RAD51B: variants seen among roughly 807,000 people sequenced by gnomAD.
RAD51B encodes the protein DNA repair protein RAD51 homolog 2.
In RAD51B, 38 loss-of-function variants were observed where a neutral mutation model predicts 42.2. That is an observed-to-expected ratio of 0.90 (90% CI 0.70 to 1.18). The LOEUF (loss-of-function observed/expected upper bound fraction) is 1.18. RAD51B is among the 50% of genes most tolerant of loss of function. The pLI, the probability that RAD51B is intolerant of heterozygous loss-of-function variation, is 0.00. For synonymous variants in RAD51B, 154 were observed against 145.2 expected (o/e 1.06, Z -0.43); for missense variants, 373 against 400.7 (o/e 0.93, Z 0.59).
intron 4 of RAD51B, chr14:67,857,767 GTATCCCATT>G (rs1447682896): frequency 1.3e-5 from 2 of 153,066 alleles, no homozygotes; most frequent in African/African-American, 4.8e-5. Context: ...TATGACAGGG[GTATCCCATT>G]TACTCGGCCC....
intron 7 of RAD51B, among the ~76,000 whole-genome samples, chr14:68,108,564 CAT>C (rs1176813461): frequency 6.6e-6 from 1 of 151,750 alleles, no homozygotes; most frequent in Non-Finnish European, 1.5e-5. Flanking sequence ...TAGGCAAATT[CAT>C]AGAGACAGAA....
chr14:68,334,202 C>A lies in RAD51B; in HGVS notation c.853+42222C>A, dbSNP rs951730136. 2.0e-5 allele frequency among the ~76,000 whole-genome samples: 3 copies of A among 152,084 alleles called. No individual in the cohort carries two copies. The South Asian group carries it at 6.2e-4, about 31-fold the overall frequency. ...TCACACAGTCAGAAATCCACAAATA[C>A]CTTTTGGCTTCTCCAAAACTTTATT... On this transcript the variant is annotated intron_variant, in intron 8 of 10. Coordinates refer to ENST00000471583, the MANE Select transcript of RAD51B (RefSeq NM_133510.4).
At chr14:68,544,872 C>A (rs1208910179) in intron 10 of RAD51B, among the ~76,000 whole-genome samples, 1 of 152,144 alleles carries the variant, frequency 6.6e-6, no homozygotes, top group Non-Finnish European at 1.5e-5. Context: ...TCCCATCCTG[C>A]CAAAGAAGGC....
At chr14:68,503,437 G>A (rs1020685188) in intron 10 of RAD51B, among the ~76,000 whole-genome samples, 17 of 152,152 alleles carry the variant, frequency 1.1e-4, no homozygotes, top group Non-Finnish European at 2.2e-4. Context: ...CCCTCCTCCA[G>A]AGGCTGATGC....
intron 7 of RAD51B, among the ~76,000 whole-genome samples, chr14:67,941,360 C>T (rs890792467): frequency 6.6e-6 from 1 of 152,084 alleles, no homozygotes; most frequent in African/African-American, 2.4e-5. Context: ...TACCTGACAC[C>T]CTTGCATGTA....
intron 7 of RAD51B, among the ~76,000 whole-genome samples, chr14:68,125,955 TGATAC>T (rs2077751313): frequency 1.3e-5 from 2 of 152,156 alleles, no homozygotes; most frequent in South Asian, 4.1e-4. Context: ...GTTATCAAAA[TGATAC>T]TTAAGAAGTT....
intron 7 of RAD51B, among the ~76,000 whole-genome samples, chr14:68,000,666 T>TG (rs1310686363): frequency 6.6e-6 from 1 of 152,200 alleles, no homozygotes; most frequent in Non-Finnish European, 1.5e-5. Context: ...CCTTTAGGTC[T>TG]GTAATTGTTT....
intron 10 of RAD51B, among the ~76,000 whole-genome samples, chr14:68,518,290 GC>G (rs1239678607): frequency 7.2e-5 from 11 of 152,142 alleles, no homozygotes; most frequent in Non-Finnish European, 2.9e-5. Context: ...CTCCCAAAAG[GC>G]AGAGTAGGCT....
chr14:68,593,865 T>G (rs909245400), intron 10 of RAD51B, among the ~76,000 whole-genome samples: 2 of 152,288 alleles, frequency 1.3e-5, no homozygotes, highest in East Asian at 3.9e-4. Context: ...GCAGCCATGC[T>G]CTGTTGCAGT....
At chr14:68,001,382 TG>T (rs2075479757) in intron 7 of RAD51B, among the ~76,000 whole-genome samples, 1 of 152,156 alleles carries the variant, frequency 6.6e-6, no homozygotes, top group Admixed American at 6.5e-5. Context: ...TTATTTTTCT[TG>T]CTATATTGGT....
intron 10 of RAD51B, among the ~76,000 whole-genome samples, chr14:68,569,377 A>C (rs1889581193): frequency 6.6e-6 from 1 of 152,158 alleles, no homozygotes. Flanking sequence ...CAGCAAACTG[A>C]GGGGCCAACT....
chr14:68,004,530 A>T (rs916624209), intron 7 of RAD51B, among the ~76,000 whole-genome samples: 2 of 152,082 alleles, frequency 1.3e-5, no homozygotes, highest in African/African-American at 2.4e-5. Flanking sequence ...AGATATGGTA[A>T]AACTTATTTC....
intron 10 of RAD51B, among the ~76,000 whole-genome samples, chr14:68,585,324 G>T (rs571082651): frequency 4.6e-5 from 7 of 152,314 alleles, no homozygotes; most frequent in African/African-American, 1.7e-4. Context: ...CTTCACCATG[G>T]CAGGGAGGCC....
intron 7 of RAD51B, among the ~76,000 whole-genome samples, chr14:68,203,124 GA>G (rs545955594): frequency 6.6e-6 from 1 of 152,134 alleles, no homozygotes; most frequent in South Asian, 2.1e-4. Flanking sequence ...CTAGAATTGT[GA>G]ATCTTTTCCA....
intron 4 of RAD51B, among the ~76,000 whole-genome samples, chr14:67,840,538 G>T (rs1459736843): frequency 6.6e-6 from 1 of 152,152 alleles, no homozygotes; most frequent in Non-Finnish European, 1.5e-5. Flanking sequence ...ACCATGGATG[G>T]GCACTTAGGT....
intron 8 of RAD51B, among the ~76,000 whole-genome samples, chr14:68,321,627 T>G (rs1190207847): frequency 6.6e-6 from 1 of 152,218 alleles, no homozygotes; most frequent in Non-Finnish European, 1.5e-5. Flanking sequence ...AGGGTAGACC[T>G]TGAGCAAGTT....
intron 7 of RAD51B, among the ~76,000 whole-genome samples, chr14:67,892,465 T>C (rs948679991): frequency 1.3e-5 from 2 of 152,164 alleles, no homozygotes; most frequent in Non-Finnish European, 2.9e-5. Flanking sequence ...AGCCCAGAAA[T>C]GGATTCATAG....
Position 68,387,990 on chromosome 14 carries a change from T to C in RAD51B, c.854-23434T>C, listed in dbSNP as rs369935997. On this transcript the variant is annotated intron_variant, in intron 8 of 10. Coordinates refer to ENST00000471583, the MANE Select transcript of RAD51B (RefSeq NM_133510.4). ...CTAACTAAATATATTTGACATTTAT[T>C]TTACCAATTTCTATTTTTTTCATGT... 5.3e-5 allele frequency among the ~76,000 whole-genome samples: 8 copies of C among 151,926 alleles called. No individual in the cohort carries two copies. In the East Asian group the frequency reaches 9.6e-4, roughly 18 times the overall value.
At chr14:67,948,074 T>C (rs1289233612) in intron 7 of RAD51B, among the ~76,000 whole-genome samples, 1 of 152,232 alleles carries the variant, frequency 6.6e-6, no homozygotes, top group African/African-American at 2.4e-5. Flanking sequence ...ATCTGTCTTG[T>C]GGAGTTGTAT....
Sources: allele counts gnomAD v4.1 joint callset (sites outside exome capture counted in the v4.1 genomes callset), GRCh38; gene constraint gnomAD v4.1.1; transcripts MANE v1.5; gene names NCBI Gene and HGNC (gene_info 2026-07-23, HGNC 2026-07-21).